CAPS2: variants seen among roughly 807,000 people sequenced by gnomAD.
The protein encoded by CAPS2 is calcyphosine 2, also known as calcyphosin-2.
CAPS2 carries 98 observed loss-of-function variants against 86.5 expected under a neutral mutation model. The observed-to-expected ratio is 1.13, with a 90% CI of 0.96 to 1.34. The LOEUF is 1.34. Ranked by LOEUF, CAPS2 falls within the 40% of genes most tolerant of loss-of-function variation. CAPS2 has a pLI of 0.00. For missense variants in CAPS2, 729 were observed against 686.8 expected (o/e 1.06, Z -0.69); for synonymous variants, 210 against 225.1 (o/e 0.93, Z 0.60).
At position 75,312,831 on chromosome 12, in the gene CAPS2, C is replaced by A. The variant is rs768963593; in HGVS notation, c.659+17G>T. On this transcript the variant is annotated intron_variant, in intron 7 of 16. Coordinates refer to ENST00000393284, the Ensembl canonical transcript of CAPS2. The stretch of plus-strand genomic sequence containing the variant: ...AACTTTCTGAATTGATTTCTATTAC[C>A]AGTTGCTAATTCTCACCTAGATAAG... The A allele has an allele frequency of 1.5e-6, 2 of 1,378,464 alleles. No individual in the cohort carries two copies. Among genetic ancestry groups the A allele is most frequent in the Non-Finnish European group, 1.0e-6 (1 of 968,398 alleles). The allele number at this position is 1,378,464 out of a possible 1,614,324, so 85.4% of individuals were successfully genotyped here.
intron 2 of CAPS2, 73 bp from the exon 4 acceptor site, chr12:75,323,295 C>A (rs754561557): frequency 1.6e-6 from 2 of 1,234,926 alleles, no homozygotes. Context: ...TTATATGTTA[C>A]ATGTTTTATA....
chr12:75,286,123 T>C (rs932973314), intron 14 of CAPS2, among the ~76,000 whole-genome samples: 1 of 152,072 alleles, frequency 6.6e-6, no homozygotes, highest in Non-Finnish European at 1.5e-5. Context: ...TGAATGTAGA[T>C]AAAATACCTA....
At chr12:75,350,741 G>T (rs1565976879) in intron 1 of CAPS2, among the ~76,000 whole-genome samples, 1 of 152,180 alleles carries the variant, frequency 6.6e-6, no homozygotes, top group Non-Finnish European at 1.5e-5. Flanking sequence ...AGATGAGAAA[G>T]AATCAACGCA....
chr12:75,325,807 A>G (rs541135737), intron 1 of CAPS2, among the ~76,000 whole-genome samples: 22 of 152,042 alleles, frequency 1.4e-4, no homozygotes, highest in Admixed American at 6.6e-4. Context: ...CCAGAGTGTG[A>G]GGGGGGGTAG....
chr12:75,299,916 TAAG>T lies in CAPS2; in HGVS notation c.780-8_780-6del. 1 of 1,267,524 alleles carries T rather than the reference TAAG, an allele frequency of 7.9e-7. No individual in the cohort carries two copies. Among genetic ancestry groups the T allele is most frequent in the Non-Finnish European group, 1.1e-6 (1 of 923,854 alleles). 78.5% of individuals were successfully genotyped at this position (1,267,524 alleles called of 1,614,324 possible). On this transcript the variant is annotated splice_region_variant and splice_polypyrimidine_tract_variant and intron_variant, in intron 8 of 16. Transcript: ENST00000393284. ...AATGTAGAATGAGTTCTTATCCTGT[TAAG>T]AAATACATTTTGTCAGTAATTTTTC...
At position 75,278,931 on chromosome 12, in the gene CAPS2, C is replaced by A; in HGVS notation, c.1747G>T (p.Glu583Ter). The A allele has an allele frequency of 6.2e-7, 1 of 1,601,698 alleles. No individual in the cohort carries two copies. The highest frequency in any genetic ancestry group is 8.5e-7 in the Non-Finnish European group (1 of 1,175,874). Residue 583 changes from glutamate (E) to a stop codon, truncating the protein, a stop_gained, in exon 17 of 17, where the codon GAA (glutamate) becomes TAA (stop). Coordinates refer to ENST00000393284, the Ensembl canonical transcript of CAPS2. LOFTEE classifies it high-confidence loss of function. ...GTACGTAAGATGTTAACAAAGTCTT[C>A]ATCATCTACTATTCCTATACTTAAA...
intron 7 of CAPS2, chr12:75,305,921 C>CT (rs1212761547): frequency 9.4e-6 from 9 of 962,324 alleles, no homozygotes; most frequent in Non-Finnish European, 1.5e-5. Flanking sequence ...ACCATGAAGT[C>CT]TGCGCTGGTG....
intron 1 of CAPS2, among the ~76,000 whole-genome samples, chr12:75,383,880 A>C (rs2045138479): frequency 6.6e-6 from 1 of 152,184 alleles, no homozygotes; most frequent in South Asian, 2.1e-4. Flanking sequence ...GATAACCATA[A>C]AATTCCAAAA....
intron 1 of CAPS2, among the ~76,000 whole-genome samples, chr12:75,351,295 A>C (rs748145847): frequency 3.6e-4 from 55 of 152,234 alleles, no homozygotes; most frequent in Non-Finnish European, 2.4e-4. Flanking sequence ...TCCTCAACCT[A>C]GCAAGAAAGG....
chr12:75,292,065 T>C (rs2036061878), intron 12 of CAPS2, among the ~76,000 whole-genome samples: 1 of 151,978 alleles, frequency 6.6e-6, no homozygotes. Flanking sequence ...TGTTTGTTTT[T>C]TGTTTGTTTG....
At chr12:75,377,045 C>T (rs1448897504) in intron 1 of CAPS2, among the ~76,000 whole-genome samples, 1 of 152,134 alleles carries the variant, frequency 6.6e-6, no homozygotes, top group Non-Finnish European at 1.5e-5. Context: ...TATACAGTCA[C>T]TAAACTCCTT....
At chr12:75,325,987 G>C (rs1161084254) in intron 1 of CAPS2, among the ~76,000 whole-genome samples, 1 of 152,022 alleles carries the variant, frequency 6.6e-6, no homozygotes, top group Non-Finnish European at 1.5e-5. Flanking sequence ...AGCAAGCTTA[G>C]CCACCATGAA....
intron 1 of CAPS2, among the ~76,000 whole-genome samples, chr12:75,367,526 C>T (rs2044060591): frequency 1.8e-5 from 1 of 54,210 alleles, no homozygotes; most frequent in East Asian, 7.9e-4. Context: ...TCGTGTACCA[C>T]AGGAAGGTCT....
At chr12:75,299,628 T>C (rs1245021947) in intron 9 of CAPS2, among the ~76,000 whole-genome samples, 1 of 152,174 alleles carries the variant, frequency 6.6e-6, no homozygotes, top group African/African-American at 2.4e-5. Flanking sequence ...TAAAGATAAC[T>C]TTTAATTAGA....
exon 17 of CAPS2, chr12:75,277,993 C>G: frequency 1.1e-6 from 1 of 888,586 alleles, no homozygotes; most frequent in Non-Finnish European, 1.3e-6. Context: ...TTTTAGGATA[C>G]AAAATATGCT....
chr12:75,323,138 T>C, intron 3 of CAPS2, 39 bp downstream of exon 4: 1 of 1,496,886 alleles, frequency 6.7e-7, no homozygotes, highest in Non-Finnish European at 9.1e-7. Context: ...TAATATTGTG[T>C]TTTAATGTTT....
chr12:75,334,620 A>G (rs2041580246), upstream of CAPS2: 1 of 1,500,936 alleles, frequency 6.7e-7, no homozygotes, highest in Non-Finnish European at 8.9e-7. Context: ...CCTGTGCGGC[A>G]GGATGGAGCC....
chr12:75,388,214 A>G (rs2045390491), intron 1 of CAPS2, among the ~76,000 whole-genome samples: 1 of 152,180 alleles, frequency 6.6e-6, no homozygotes, highest in African/African-American at 2.4e-5. Flanking sequence ...GGCTGCCACC[A>G]TGTAAGATGT....
chr12:75,290,537 A>G (rs934728017), intron 13 of CAPS2, among the ~76,000 whole-genome samples: 8 of 152,198 alleles, frequency 5.3e-5, no homozygotes, highest in African/African-American at 1.9e-4. Flanking sequence ...AACATATGAG[A>G]GTCCAAACGA....
Sources: gnomAD v4.1 joint callset for allele counts (sites outside exome capture counted in the v4.1 genomes callset) on GRCh38, gnomAD v4.1.1 for gene constraint, MANE v1.5 for transcripts, NCBI Gene and HGNC (gene_info 2026-07-23, HGNC 2026-07-21) for gene names.